Variants in AHNAK2 observed in about 807,000 individuals in gnomAD.
The protein encoded by AHNAK2 is protein AHNAK2.
A neutral mutation model predicts 30.7 loss-of-function variants in AHNAK2; 18 were observed. The ratio of observed to expected loss-of-function variants is 0.59; its 90% CI spans 0.41 to 0.87. The LOEUF is 0.87. AHNAK2 is among the 40% of genes least tolerant of loss of function. The probability of loss-of-function intolerance (pLI) is 0.00; values close to 1 mark genes in which losing one functional copy is unlikely to be tolerated. For synonymous variants in AHNAK2, 3,590 were observed against 3,073.8 expected, an observed-to-expected ratio of 1.17 and a Z score of -5.56; for missense variants, 8,604 against 7,373.0, an observed-to-expected ratio of 1.17 and a Z score of -6.11.
In AHNAK2 at chr14:104,942,317, T is replaced by C. The variant is rs1227239300; in HGVS notation, c.13134A>G (p.Lys4378=). The part of the protein sequence containing the change: ...EGPVHEGAGL[K]GHLPKLQMPS... The stretch of plus-strand genomic sequence containing the variant: ...GCATCTGCAGCTTCGGCAGGTGCCC[T>C]TTGAGGCCGGCTCCCTCATGCACAG... The change falls in exon 7 of 7, where the codon AAA becomes AAG. Residue 4378 remains lysine, a synonymous_variant. Coordinates refer to ENST00000333244, the MANE Select transcript of AHNAK2 (RefSeq NM_138420.4). 1 of 1,613,324 alleles carries C rather than the reference T, an allele frequency of 6.2e-7. No individual in the cohort carries two copies. The highest frequency in any genetic ancestry group is 2.2e-5 in the East Asian group (1 of 44,812).
rs753669746 is a variant in AHNAK2 at position 104,953,098 on chromosome 14, CCTTGGGGCCTTTCAGGTCCAG to C, written c.2332_2352del (p.Leu778_Lys784del). 9 of 1,612,848 alleles carry C rather than the reference CCTTGGGGCCTTTCAGGTCCAG, an allele frequency of 5.6e-6. No individual in the cohort carries two copies. The highest frequency in any genetic ancestry group is 7.6e-6 in the Non-Finnish European group (9 of 1,179,692). The stretch of plus-strand genomic sequence containing the variant: ...TTCACATCGGGGGCTGTCACTTCCG[CCTTGGGGCCTTTCAGGTCCAG>C]CTTGGGGCCCTTGAGGTCCACTTTG... On this transcript the variant is annotated inframe_deletion, in exon 7 of 7. Transcript: ENST00000333244.
Position 104,945,025 on chromosome 14 carries a change from G to A in AHNAK2, c.10426C>T (p.Pro3476Ser), listed in dbSNP as rs376878100. 1.2e-4 allele frequency: 187 copies of A among 1,612,356 alleles called. No individual in the cohort carries two copies. Among genetic ancestry groups the A allele is most frequent in the Non-Finnish European group, 1.5e-4 (175 of 1,179,256 alleles). The change falls in exon 7 of 7, where the codon CCC becomes TCC. Residue 3476 changes from proline (P) to serine (S), a missense_variant. Transcript: ENST00000333244. ...CCGAAGGAGGGCATCTTGAACTTGG[G>A]CATTTTGAACTTGCTGTCTTTGGCA... ...VTAKDSKFKM[P>S]KFKMPSFGVS...
In AHNAK2 at chr14:104,939,597, G is replaced by A; in HGVS notation, c.15854C>T (p.Ala5285Val). The change falls in exon 7 of 7, where the codon GCT becomes GTT. Residue 5285 changes from alanine to valine, a missense_variant. Coordinates refer to ENST00000333244, the MANE Select transcript of AHNAK2 (RefSeq NM_138420.4). The stretch of plus-strand genomic sequence containing the variant: ...GGAAAGCTCATCCCCAGTCATCCCA[G>A]CAGTGGAGAGGTGCAGCTTCAAGCC... ...STGLKLHLST[A>V]GMTGDELSTS... 1 of 1,613,848 alleles carries A rather than the reference G, an allele frequency of 6.2e-7. No homozygotes were observed. Among genetic ancestry groups the A allele is most frequent in the South Asian group, 1.1e-5 (1 of 91,086 alleles).
chr14:104,976,004 C>T (rs541608830), intron 1 of AHNAK2, among the ~76,000 whole-genome samples: 10 of 152,276 alleles, frequency 6.6e-5, no homozygotes, highest in South Asian at 2.1e-4. Flanking sequence ...CACACATCTT[C>T]GCATGGTATC....
rs368895750 is a variant in AHNAK2, at chr14:104,951,164, A to T, written c.4287T>A (p.Pro1429=). The part of the protein sequence containing the change: ...FKVPKVDLKG[P]EIDIKGPKLD... ...GCTTGGGGCCCTTGATGTCTATTTC[A>T]GGGCCCTTGAGGTCCACTTTGGGCA... Residue 1429 remains proline, a synonymous_variant, in exon 7 of 7, where the codon CCT becomes CCA. Transcript: ENST00000333244. 2 of 1,053,796 alleles carry T rather than the reference A, an allele frequency of 1.9e-6. No homozygotes were observed. Among genetic ancestry groups the T allele is most frequent in the South Asian group, 1.6e-5 (1 of 61,990 alleles). The allele number at this position is 1,053,796 out of a possible 1,614,324, so 65.3% of individuals were successfully genotyped here. A position where few individuals can be genotyped will look rare whatever the true frequency, so the allele number is the denominator to read the frequency against.
rs773136430 is a variant in AHNAK2, at chr14:104,944,122, T to C, written c.11329A>G (p.Arg3777Gly). Residue 3777 changes from arginine (R) to glycine (G), a missense_variant, in exon 7 of 7, where the codon AGA becomes GGA. Transcript: ENST00000333244. ...PSVEVDVQAP[R>G]AKLDSAQLEG... ...AGCTGTGCACTATCCAGTTTGGCTC[T>C]TGGGGCCTGGACGTCCACCTCCACG... 37 of 1,611,710 alleles carry C rather than the reference T, an allele frequency of 2.3e-5. No homozygotes were observed. In the South Asian group the frequency reaches 3.3e-4, roughly 14 times the overall value.
intron 1 of AHNAK2, among the ~76,000 whole-genome samples, chr14:104,975,765 C>A (rs113456221): frequency 6.6e-6 from 1 of 152,186 alleles, no homozygotes; most frequent in Non-Finnish European, 1.5e-5. Context: ...CAGACCCGCC[C>A]GCGCTGTCAC....
intron 2 of AHNAK2, 45 bp downstream of exon 2, chr14:104,957,569 G>T: frequency 1.2e-6 from 2 of 1,600,622 alleles, no homozygotes; most frequent in Non-Finnish European, 8.5e-7. Flanking sequence ...AGGGAGAATG[G>T]GGGCAGGGTA....
rs1897952463 is a variant in AHNAK2 at position 104,940,701 on chromosome 14, C to T, written c.14750G>A (p.Cys4917Tyr). The change falls in exon 7 of 7, where the codon TGT becomes TAT. Residue 4917 changes from cysteine (C) to tyrosine (Y), a missense_variant. By Grantham distance (194) the Cys-to-Tyr change is radical. Transcript: ENST00000333244. This position sits in a 1 kb window ranked among gnomAD's most constrained non-coding sequence, Gnocchi z 4.4. ...PSTQLPSPGTCVSQGPEELVA... is the reference protein window; with the variant it reads ...PSTQLPSPGTYVSQGPEELVA... ...AAGCTCTTCTGGGCCCTGAGACACACAGGTGCCTGGGGATGGCAGCTGGGT... is the reference window on the plus strand; with the variant it reads ...AAGCTCTTCTGGGCCCTGAGACACATAGGTGCCTGGGGATGGCAGCTGGGT... 1 of 1,612,972 alleles carries T rather than the reference C, an allele frequency of 6.2e-7. No individual in the cohort carries two copies. Among genetic ancestry groups the T allele is most frequent in the South Asian group, 1.1e-5 (1 of 91,082 alleles).
Position 104,938,529 on chromosome 14 carries a change from T to G in AHNAK2, c.16922A>C (p.Lys5641Thr), listed in dbSNP as rs756977792. The change falls in exon 7 of 7, where the codon AAA becomes ACA. Residue 5641 changes from lysine (K) to threonine (T), a missense_variant. Transcript: ENST00000333244. ...RAPKDKPESK[K>T]SGLLWFWLPN... ...AAGCCAAAACCAGAGCAGACCAGAT[T>G]TTTTACTTTCTGGTTTGTCTTTTGG... 9.3e-6 allele frequency: 15 copies of G among 1,613,354 alleles called. No homozygotes were observed. Among genetic ancestry groups the G allele is most frequent in the South Asian group, 2.2e-5 (2 of 90,992 alleles).
intron 1 of AHNAK2, among the ~76,000 whole-genome samples, chr14:104,968,121 T>A (rs1899360150): frequency 1.3e-5 from 2 of 152,148 alleles, no homozygotes; most frequent in Non-Finnish European, 1.5e-5. Flanking sequence ...CCTTCCCCAA[T>A]GCCCTTCCCC....
rs777305248 is a variant in AHNAK2, at chr14:104,949,297, C to G, written c.6154G>C (p.Val2052Leu). ...SADLKVQTGQ[V>L]DVKLPEGHVP... is the part of the protein sequence containing the mutation. Reference sequence around the variant, plus strand: ...TGGCCCTCCGGGAGCTTCACATCCACCTGGCCAGTCTGGACCTTCAGGTCG... The same window carrying G: ...TGGCCCTCCGGGAGCTTCACATCCAGCTGGCCAGTCTGGACCTTCAGGTCG... The change falls in exon 7 of 7, where the codon GTG becomes CTG. Residue 2052 changes from valine (V) to leucine (L), a missense_variant. Val to Leu is a conservative substitution (Grantham distance 32). Coordinates refer to ENST00000333244, the MANE Select transcript of AHNAK2 (RefSeq NM_138420.4). The G allele has an allele frequency of 9.4e-7, 1 of 1,065,296 alleles. No individual in the cohort carries two copies. Among genetic ancestry groups the G allele is most frequent in the African/African-American group, 1.4e-5 (1 of 69,434 alleles). The allele number at this position is 1,065,296 out of a possible 1,614,324, so 66.0% of individuals were successfully genotyped here. A position where few individuals can be genotyped will look rare whatever the true frequency, so the allele number is the denominator to read the frequency against.
chr14:104,942,890 G>A lies in AHNAK2; in HGVS notation c.12561C>T (p.Ser4187=), dbSNP rs376371254. The part of the protein sequence containing the change: ...KTTDLSIQSP[S]ADLEVQAGQV... ...GGCCAGCCTGGACCTCCAGGTCGGC[G>A]GAAGGGGACTGAATGCTGAGGTCAG... The change falls in exon 7 of 7, where the codon TCC becomes TCT. Residue 4187 remains serine, a synonymous_variant. Coordinates refer to ENST00000333244, the MANE Select transcript of AHNAK2 (RefSeq NM_138420.4). The A allele has an allele frequency of 6.9e-5, 111 of 1,612,936 alleles. No individual in the cohort carries two copies. Among genetic ancestry groups the A allele is most frequent in the African/African-American group, 6.7e-4 (50 of 74,764 alleles).
In AHNAK2 at chr14:104,944,050, T is replaced by C; in HGVS notation, c.11401A>G (p.Ser3801Gly). 1.9e-6 allele frequency: 3 copies of C among 1,613,292 alleles called. No individual in the cohort carries two copies. Among genetic ancestry groups the C allele is most frequent in the Non-Finnish European group, 2.5e-6 (3 of 1,179,630 alleles). Reference sequence around the variant, plus strand: ...TTGAACTTGGGCATTTTGAATTTGCTGTCTTTGGCAGTCACATCCTTGTCG... The same window carrying C: ...TTGAACTTGGGCATTTTGAATTTGCCGTCTTTGGCAGTCACATCCTTGTCG... ...LADKDVTAKD[S>G]KFKMPKFKMP... The change falls in exon 7 of 7, where the codon AGC becomes GGC. Residue 3801 changes from serine to glycine, a missense_variant. Transcript: ENST00000333244.
chr14:104,972,947 G>T (rs1425346742), intron 1 of AHNAK2, among the ~76,000 whole-genome samples: 7 of 152,202 alleles, frequency 4.6e-5, no homozygotes, highest in Admixed American at 4.6e-4. Flanking sequence ...TACTGGGAAG[G>T]GTAAGAGCTG....
At chr14:104,977,589 C>A (rs936380709) in intron 1 of AHNAK2, among the ~76,000 whole-genome samples, 1 of 152,170 alleles carries the variant, frequency 6.6e-6, no homozygotes, top group South Asian at 2.1e-4. Flanking sequence ...ACCTAGCCAG[C>A]GACCCCACCA....
chr14:104,968,254 G>A (rs947416328), intron 1 of AHNAK2, among the ~76,000 whole-genome samples: 2 of 152,320 alleles, frequency 1.3e-5, no homozygotes, highest in African/African-American at 4.8e-5. Flanking sequence ...CAGGGCAGGT[G>A]GGGGTGGTAC....
rs773853819 is a variant in AHNAK2 at position 104,950,605 on chromosome 14, C to T, written c.4846G>A (p.Asp1616Asn). ...KGPKVEVTAPDVKMSLSSMEV... is the reference protein window; with the variant it reads ...KGPKVEVTAPNVKMSLSSMEV... ...ATGCTGGACAGAGACATCTTCACAT[C>T]GGGGGCTGTCACTTCCACCTTGGGG... is the stretch of plus-strand genomic sequence containing the variant. Residue 1616 changes from aspartate to asparagine, a missense_variant, in exon 7 of 7, where the codon GAT becomes AAT. Transcript: ENST00000333244. The T allele has an allele frequency of 3.8e-5, 61 of 1,587,072 alleles. 5 individuals carry two copies. In the South Asian group the frequency reaches 4.7e-4, roughly 12 times the overall value.
chr14:104,970,405 C>T (rs1899442395), intron 1 of AHNAK2: 2 of 985,346 alleles, frequency 2.0e-6, no homozygotes, highest in Non-Finnish European at 1.2e-6. Context: ...CACAGACCCG[C>T]GGAAGAGTGA....
Sources: gnomAD v4.1 joint callset for allele counts (sites outside exome capture counted in the v4.1 genomes callset) on GRCh38, gnomAD v4.1.1 for gene constraint, Gnocchi (gnomAD v3.1) non-coding constraint, MANE v1.5 for transcripts, NCBI Gene and HGNC (gene_info 2026-07-23, HGNC 2026-07-21) for gene names.